Variants in YAF2 observed in about 807,000 individuals in gnomAD.
The protein encoded by YAF2 is YY1 associated factor 2, also known as YY1-associated factor 2.
In YAF2, 7 loss-of-function variants were observed where a neutral mutation model predicts 20.1. The ratio of observed to expected loss-of-function variants is 0.35; its 90% CI spans 0.20 to 0.65. YAF2 has a LOEUF of 0.65. YAF2 is among the 30% of genes least tolerant of loss of function. The pLI is 0.69. For synonymous variants in YAF2, 74 were observed against 76.0 expected (o/e 0.97, Z 0.14); for missense variants, 151 against 219.2 (o/e 0.69, Z 1.96).
chr12:42,231,046 A>G (rs1322760753), intron 2 of YAF2, among the ~76,000 whole-genome samples: 4 of 152,222 alleles, frequency 2.6e-5, no homozygotes, highest in African/African-American at 9.6e-5. Context: ...AATAAACTCT[A>G]GACCAGCAGT....
At chr12:42,226,927 A>G (rs2067721628) in intron 2 of YAF2, among the ~76,000 whole-genome samples, 2 of 150,040 alleles carry the variant, frequency 1.3e-5, no homozygotes, top group African/African-American at 4.8e-5. Flanking sequence ...CCGTCCGGCC[A>G]TGGTGGCCGC....
intron 2 of YAF2, among the ~76,000 whole-genome samples, chr12:42,189,284 G>T (rs2066552353): frequency 6.6e-6 from 1 of 152,208 alleles, no homozygotes; most frequent in African/African-American, 2.4e-5. Context: ...AGGATATGGA[G>T]AATTCTGATT....
At chr12:42,212,680 A>G (rs1245351239) in intron 2 of YAF2, among the ~76,000 whole-genome samples, 1 of 152,224 alleles carries the variant, frequency 6.6e-6, no homozygotes, top group East Asian at 1.9e-4. Flanking sequence ...ATGAGGTCAT[A>G]TTTGTATTTG....
At chr12:42,229,791 GGTAA>G (rs1188499045) in intron 2 of YAF2, among the ~76,000 whole-genome samples, 2 of 152,236 alleles carry the variant, frequency 1.3e-5, no homozygotes, top group East Asian at 1.9e-4. Flanking sequence ...GTAACACCAT[GGTAA>G]GTATTTGTAT....
chr12:42,235,917 C>CCTA, intron 2 of YAF2: 1 of 1,536,142 alleles, frequency 6.5e-7, no homozygotes, highest in Non-Finnish European at 8.7e-7. Flanking sequence ...GCTGCCACCA[C>CCTA]CTACTCTATT....
At chr12:42,215,927 AAAAT>A (rs67295015) in intron 2 of YAF2, among the ~76,000 whole-genome samples, 21,087 of 144,558 alleles carry the variant, frequency 0.15, 1,590 homozygotes, top group Middle Eastern at 0.17. Context: ...TCCAGCTCAA[AAAAT>A]AAATAAATAA....
At chr12:42,209,563 CAAA>C (rs71084623) in intron 2 of YAF2, among the ~76,000 whole-genome samples, 1 of 27,804 alleles carries the variant, frequency 3.6e-5, no homozygotes, top group Non-Finnish European at 7.4e-5. Context: ...GACTTTGTCT[CAAA>C]AAAAAAAAAA....
At chr12:42,201,936 C>T (rs1389417650) in intron 2 of YAF2, among the ~76,000 whole-genome samples, 1 of 152,182 alleles carries the variant, frequency 6.6e-6, no homozygotes, top group African/African-American at 2.4e-5. Context: ...CCCTTGATGT[C>T]TTTAACCTTG....
chr12:42,199,327 T>C (rs990804240), intron 2 of YAF2: 8 of 636,968 alleles, frequency 1.3e-5, no homozygotes, highest in African/African-American at 5.9e-5. Flanking sequence ...CATAATAATA[T>C]ACTTTGTTTC....
chr12:42,163,796 A>C (rs2065850800), intron 2 of YAF2, among the ~76,000 whole-genome samples: 1 of 152,200 alleles, frequency 6.6e-6, no homozygotes, highest in Non-Finnish European at 1.5e-5. Flanking sequence ...CACTGAAGGT[A>C]GGAGGAACAC....
chr12:42,193,318 C>CA (rs35020261), intron 2 of YAF2, among the ~76,000 whole-genome samples: 2,139 of 87,028 alleles, frequency 0.025, 37 homozygotes, highest in African/African-American at 0.055. Flanking sequence ...GACTCCCTCT[C>CA]AAAAAAAAAA....
rs188517759 is a variant in YAF2 at position 42,203,438 on chromosome 12, G to A, written c.152+34161C>T. ...CTTTTGGATTTTCTTTCTTTTTTGCGTATTGATAGAGATATATCTGTCTTA... is the reference window on the plus strand; with the variant it reads ...CTTTTGGATTTTCTTTCTTTTTTGCATATTGATAGAGATATATCTGTCTTA... On this transcript the variant is annotated intron_variant, in intron 2 of 3. Coordinates refer to ENST00000534854, the MANE Select transcript of YAF2 (RefSeq NM_005748.6). 5.3e-5 allele frequency among the ~76,000 whole-genome samples: 8 copies of A among 150,602 alleles called. No homozygotes were observed. In the East Asian group the frequency reaches 5.8e-4, roughly 11 times the overall value.
intron 2 of YAF2, among the ~76,000 whole-genome samples, chr12:42,226,174 A>G (rs1457821579): frequency 2.0e-5 from 3 of 152,168 alleles, no homozygotes; most frequent in African/African-American, 7.2e-5. Context: ...TACGCTGTAC[A>G]CTTTCACAGC....
chr12:42,168,147 A>T (rs1418227782), intron 2 of YAF2, among the ~76,000 whole-genome samples: 1 of 150,370 alleles, frequency 6.7e-6, no homozygotes, highest in African/African-American at 2.5e-5. Flanking sequence ...CTTTCCCATC[A>T]CGTCTATCTC....
In YAF2 at chr12:42,228,218, G is replaced by T. The variant is rs560202718; in HGVS notation, c.152+9381C>A. 3.4e-5 allele frequency among the ~76,000 whole-genome samples: 3 copies of T among 88,458 alleles called. 1 individual carries two copies. Among genetic ancestry groups the T allele is most frequent in the Non-Finnish European group, 6.7e-5 (3 of 45,088 alleles). 58.0% of individuals were successfully genotyped at this position (88,458 alleles called of 152,430 possible). A position where few individuals can be genotyped will look rare whatever the true frequency, so the allele number is the denominator to read the frequency against. On this transcript the variant is annotated intron_variant, in intron 2 of 3. Coordinates refer to ENST00000534854, the MANE Select transcript of YAF2 (RefSeq NM_005748.6). The stretch of plus-strand genomic sequence containing the variant: ...AGGTGGGGGGGTCGGCCCCCCGCCC[G>T]GCCAGCCGCCCCGTCCTGGAGGGAG...
intron 2 of YAF2, among the ~76,000 whole-genome samples, chr12:42,194,688 A>C (rs1486697691): frequency 6.6e-6 from 1 of 152,180 alleles, no homozygotes; most frequent in Non-Finnish European, 1.5e-5. Context: ...GTAACATAAA[A>C]ATTTTTTGGT....
intron 2 of YAF2, among the ~76,000 whole-genome samples, chr12:42,219,862 A>T (rs987396102): frequency 6.6e-6 from 1 of 152,224 alleles, no homozygotes; most frequent in Non-Finnish European, 1.5e-5. Flanking sequence ...CTCCCAGGTG[A>T]TGCTAACGCC....
At chr12:42,170,276 A>T (rs2066014043) in intron 2 of YAF2, among the ~76,000 whole-genome samples, 2 of 152,212 alleles carry the variant, frequency 1.3e-5, no homozygotes, top group Non-Finnish European at 2.9e-5. Context: ...AAACACTGGT[A>T]ACAAGCTCAG....
At chr12:42,164,008 C>G (rs994431410) in intron 2 of YAF2, among the ~76,000 whole-genome samples, 28 of 151,978 alleles carry the variant, frequency 1.8e-4, no homozygotes, top group African/African-American at 6.5e-4. Context: ...TAAAATATAC[C>G]CTTTTATGTT....
Sources: gnomAD v4.1 joint callset for allele counts (sites outside exome capture counted in the v4.1 genomes callset) on GRCh38, gnomAD v4.1.1 for gene constraint, MANE v1.5 for transcripts, NCBI Gene and HGNC (gene_info 2026-07-23, HGNC 2026-07-21) for gene names.